Variants in MYO5B observed in about 807,000 individuals in gnomAD.
The protein encoded by MYO5B is myosin VB.
Under a neutral mutation model 229.3 loss-of-function variants are expected in MYO5B, and 143 were observed. The ratio of observed to expected loss-of-function variants is 0.62; its 90% CI spans 0.54 to 0.72. The LOEUF is 0.72. MYO5B is among the 30% of genes least tolerant of loss of function. MYO5B has a pLI of 0.00. For synonymous variants in MYO5B, 918 were observed against 885.2 expected (o/e 1.04, Z -0.66); for missense variants, 2,321 against 2,331.0 (o/e 1.00, Z 0.09).
intron 1 of MYO5B, among the ~76,000 whole-genome samples, chr18:50,138,682 T>C (rs1490881961): frequency 6.6e-6 from 1 of 151,962 alleles, no homozygotes; most frequent in African/African-American, 2.4e-5. Flanking sequence ...GAAATTATGC[T>C]CAATAACCTC....
intron 9 of MYO5B, among the ~76,000 whole-genome samples, chr18:49,979,410 C>T (rs1248628121): frequency 6.6e-6 from 1 of 152,156 alleles, no homozygotes; most frequent in Non-Finnish European, 1.5e-5. Flanking sequence ...TAGATCATTC[C>T]CCACAGATTG....
chr18:50,194,659 C>T, intron 1 of MYO5B, 108 bp downstream of exon 1: 1 of 750,028 alleles, frequency 1.3e-6, no homozygotes, highest in Non-Finnish European at 2.2e-6. Flanking sequence ...GGGGGGTCTC[C>T]CGTCACCTCC....
Position 50,170,593 on chromosome 18 carries a change from G to A in MYO5B, c.27+24174C>T, listed in dbSNP as rs2032909026. On this transcript the variant is annotated intron_variant, in intron 1 of 39. Transcript: ENST00000285039. ...CACTATTTTGCTTTCTTCTCACTCC[G>A]AACAGTACTGTGGGGTGACTCCAGT... is the stretch of plus-strand genomic sequence containing the variant. Among the ~76,000 whole-genome samples, 4 of 125,746 alleles carry A rather than the reference G, an allele frequency of 3.2e-5. 1 individual carries two copies. The highest frequency in any genetic ancestry group is 4.2e-3 in the Middle Eastern group (1 of 240). The allele number at this position is 125,746 out of a possible 152,430, so 82.5% of individuals were successfully genotyped here.
At chr18:49,827,934 G>A (rs917650900) in intron 39 of MYO5B, among the ~76,000 whole-genome samples, 1 of 152,140 alleles carries the variant, frequency 6.6e-6, no homozygotes, top group Admixed American at 6.5e-5. Flanking sequence ...TGAGAAAGAA[G>A]TGACTTGTCA....
rs1169707351 is a variant in MYO5B, at chr18:50,027,857, G to C, written c.455+8993C>G. Among the ~76,000 whole-genome samples the C allele has an allele frequency of 2.0e-5, 3 of 152,100 alleles. No homozygotes were observed. In the East Asian group the frequency reaches 5.8e-4, roughly 29 times the overall value. ...AAAAGATAACATTCACAAAATAGCAGAACACAAGTACAAGGGTGAAATTTA... is the reference window on the plus strand; with the variant it reads ...AAAAGATAACATTCACAAAATAGCACAACACAAGTACAAGGGTGAAATTTA... On this transcript the variant is annotated intron_variant, in intron 4 of 39. Coordinates refer to ENST00000285039, the MANE Select transcript of MYO5B (RefSeq NM_001080467.3).
At chr18:50,130,375 A>G (rs1397889094) in intron 1 of MYO5B, among the ~76,000 whole-genome samples, 1 of 152,198 alleles carries the variant, frequency 6.6e-6, no homozygotes, top group East Asian at 1.9e-4. Context: ...AATTTGACGA[A>G]TGGCAATCAG....
At chr18:49,972,468 G>A (rs1380382576) in intron 10 of MYO5B, among the ~76,000 whole-genome samples, 1 of 152,278 alleles carries the variant, frequency 6.6e-6, no homozygotes. Flanking sequence ...CTGAGGCATG[G>A]TATTTTATGT....
At chr18:50,097,035 T>C (rs975077140) in intron 1 of MYO5B, among the ~76,000 whole-genome samples, 3 of 151,958 alleles carry the variant, frequency 2.0e-5, no homozygotes, top group Non-Finnish European at 4.4e-5. Context: ...CAGCATGCAT[T>C]GTCAGTCCAG....
intron 2 of MYO5B, among the ~76,000 whole-genome samples, chr18:50,050,297 G>C (rs1393607784): frequency 1.3e-5 from 2 of 152,170 alleles, no homozygotes; most frequent in Non-Finnish European, 2.9e-5. Flanking sequence ...TGCCAGATGT[G>C]TGCACAGCAG....
At chr18:49,839,112 T>A in intron 36 of MYO5B, 32 bp downstream of exon 36, 1 of 1,611,924 alleles carries the variant, frequency 6.2e-7, no homozygotes, top group Non-Finnish European at 8.5e-7. Context: ...GACACCATGA[T>A]GAGTGATGTA....
In MYO5B at chr18:49,864,777, T is replaced by TA. The variant is rs577131266; in HGVS notation, c.3604-398dup. On this transcript the variant is annotated intron_variant, in intron 27 of 39. Coordinates refer to ENST00000285039, the MANE Select transcript of MYO5B (RefSeq NM_001080467.3). Reference sequence around the variant, plus strand: ...CGCTTTGTGACTTTCCAAGAAAAGATACAAGAATGCAGGATTTCCTAAACT... The same window carrying TA: ...CGCTTTGTGACTTTCCAAGAAAAGATAACAAGAATGCAGGATTTCCTAAACT... 5.9e-4 allele frequency among the ~76,000 whole-genome samples: 90 copies of TA among 152,344 alleles called. 1 individual carries two copies. The South Asian group carries it at 6.6e-3, about 11-fold the overall frequency.
rs1448962548 is a variant in MYO5B at position 49,983,401 on chromosome 18, C to T, written c.946+1317G>A. On this transcript the variant is annotated intron_variant, in intron 8 of 39. Coordinates refer to ENST00000285039, the MANE Select transcript of MYO5B (RefSeq NM_001080467.3). ...AGCAGTGGCTTCTGAGCAGTTCTGGCCCCCTACACCTTGGGGCACCTGCAG... is the reference window on the plus strand; with the variant it reads ...AGCAGTGGCTTCTGAGCAGTTCTGGTCCCCTACACCTTGGGGCACCTGCAG... Among the ~76,000 whole-genome samples the T allele has an allele frequency of 3.9e-5, 6 of 152,242 alleles. No homozygotes were observed. The South Asian group carries it at 1.0e-3, about 26-fold the overall frequency.
chr18:50,095,916 C>A (rs2031541438), intron 1 of MYO5B, among the ~76,000 whole-genome samples: 1 of 152,148 alleles, frequency 6.6e-6, no homozygotes, highest in Non-Finnish European at 1.5e-5. Context: ...GGAGAGGGAA[C>A]AGAATTATTT....
intron 4 of MYO5B, among the ~76,000 whole-genome samples, chr18:50,022,940 T>C (rs2026292746): frequency 1.3e-5 from 2 of 152,162 alleles, no homozygotes; most frequent in Non-Finnish European, 2.9e-5. Context: ...TTTGGTGTGC[T>C]GCTGTTTAAG....
intron 1 of MYO5B, among the ~76,000 whole-genome samples, chr18:50,104,972 G>A (rs1004794787): frequency 6.6e-6 from 1 of 151,890 alleles, no homozygotes. Flanking sequence ...GCACTCTGGA[G>A]ACCACCAGGA....
At chr18:49,894,904 C>G in intron 22 of MYO5B, 37 bp downstream of exon 22, 2 of 1,592,468 alleles carry the variant, frequency 1.3e-6, no homozygotes, top group East Asian at 2.2e-5. Context: ...CCCACCCACT[C>G]TGCTTGCCAG....
rs545896221 is a variant in MYO5B at position 49,890,869 on chromosome 18, A to T, written c.3045+4072T>A. On this transcript the variant is annotated intron_variant, in intron 22 of 39. Transcript: ENST00000285039. ...ATAGTATAAATTTGTTTTTTAAAGT[A>T]GTGATTAAAGCAAAAGTTGAAAATC... 6.6e-5 allele frequency among the ~76,000 whole-genome samples: 10 copies of T among 152,348 alleles called. No homozygotes were observed. In the Middle Eastern group the frequency reaches 0.014, roughly 207 times the overall value.
intron 9 of MYO5B, among the ~76,000 whole-genome samples, chr18:49,975,811 A>G (rs2025744136): frequency 6.6e-6 from 1 of 152,072 alleles, no homozygotes; most frequent in African/African-American, 2.4e-5. Flanking sequence ...GGCTTCTACC[A>G]CGGTCCTGCC....
chr18:49,990,938 C>T (rs141627541), intron 6 of MYO5B, among the ~76,000 whole-genome samples: 9 of 152,142 alleles, frequency 5.9e-5, no homozygotes, highest in Non-Finnish European at 1.3e-4. Context: ...CTGTGCTTGC[C>T]CATCAGGTCA....
Sources: gnomAD v4.1 joint callset for allele counts (sites outside exome capture counted in the v4.1 genomes callset) on GRCh38, gnomAD v4.1.1 for gene constraint, MANE v1.5 for transcripts, NCBI Gene and HGNC (gene_info 2026-07-23, HGNC 2026-07-21) for gene names.